The following LINGO2 variants were observed in gnomAD, a reference collection of about 807,000 sequenced individuals.
The protein encoded by LINGO2 is leucine-rich repeat and immunoglobulin-like domain-containing nogo receptor-interacting protein 2.
Under a neutral mutation model 30.6 loss-of-function variants are expected in LINGO2, and 14 were observed. The ratio of observed to expected loss-of-function variants is 0.46; its 90% CI spans 0.30 to 0.72. LINGO2 has a LOEUF of 0.72. Ranked by LOEUF, LINGO2 falls within the 30% of genes least tolerant of loss-of-function variation. The probability of loss-of-function intolerance (pLI) is 0.07; values close to 1 mark genes in which losing one functional copy is unlikely to be tolerated. For synonymous variants in LINGO2, 317 were observed against 288.5 expected (o/e 1.10, Z -1.00); for missense variants, 729 against 751.7 (o/e 0.97, Z 0.35).
At chr9:28,379,586 T>C (rs922195155) in intron 2 of LINGO2, among the ~76,000 whole-genome samples, 1 of 151,958 alleles carries the variant, frequency 6.6e-6, no homozygotes, top group African/African-American at 2.4e-5. Context: ...TAGGCAAGAG[T>C]GCAGAGCAGA....
chr9:28,365,973 G>A (rs1442193220), intron 3 of LINGO2, among the ~76,000 whole-genome samples: 1 of 152,054 alleles, frequency 6.6e-6, no homozygotes, highest in Non-Finnish European at 1.5e-5. Context: ...TTTCCCAGGG[G>A]AGCTGCATTG....
At chr9:28,917,847 C>A in the LINGO2 span, among the ~76,000 whole-genome samples, 3 of 151,880 alleles carry the variant, frequency 2.0e-5, no homozygotes, top group African/African-American at 7.3e-5. Flanking sequence ...CAAATGTATT[C>A]TTCTAGGTTG....
intron 4 of LINGO2, among the ~76,000 whole-genome samples, chr9:28,043,812 A>G (rs1231791775): frequency 6.6e-6 from 1 of 152,196 alleles, no homozygotes; most frequent in African/African-American, 2.4e-5. Flanking sequence ...TATCTCCAGG[A>G]GCTATTTAAA....
the LINGO2 span, among the ~76,000 whole-genome samples, chr9:29,091,074 C>T: frequency 6.6e-6 from 1 of 151,962 alleles, no homozygotes; most frequent in Admixed American, 6.6e-5. Flanking sequence ...AGATTTTCAT[C>T]TTTTCTATTT....
chr9:28,918,656 A>G, the LINGO2 span, among the ~76,000 whole-genome samples: 1 of 152,206 alleles, frequency 6.6e-6, no homozygotes, highest in Non-Finnish European at 1.5e-5. Context: ...ATTAAAATGG[A>G]AACATCAGTG....
At chr9:28,584,859 A>G (rs1824452258) in intron 1 of LINGO2, among the ~76,000 whole-genome samples, 1 of 152,046 alleles carries the variant, frequency 6.6e-6, no homozygotes, top group South Asian at 2.1e-4. Context: ...GGACAAAATA[A>G]CTAAATAAGG....
In LINGO2 at chr9:28,265,080, C is replaced by G. The variant is rs114659361; in HGVS notation, c.-87+30128G>C. Among the ~76,000 whole-genome samples the G allele has an allele frequency of 3.7e-3, 568 of 151,950 alleles. 6 individuals carry two copies. Among genetic ancestry groups the G allele is most frequent in the African/African-American group, 0.013 (531 of 41,476 alleles). On this transcript the variant is annotated intron_variant, in intron 4 of 5. Coordinates refer to ENST00000379992, the Ensembl canonical transcript of LINGO2. ...CAAAGTTTCCAGCCTGCCAGGCTGC[C>G]CTACAGGCTTTGAATTACCAGCCCC...
At chr9:28,574,438 A>G (rs975533295) in intron 1 of LINGO2, among the ~76,000 whole-genome samples, 6 of 152,140 alleles carry the variant, frequency 3.9e-5, no homozygotes, top group African/African-American at 1.4e-4. Context: ...TAAGAGAGCT[A>G]CTAGTCTTGC....
At chr9:28,389,173 CTAAAG>C (rs1227172543) in intron 2 of LINGO2, among the ~76,000 whole-genome samples, 7 of 152,034 alleles carry the variant, frequency 4.6e-5, no homozygotes, top group Admixed American at 2.6e-4. Flanking sequence ...AGATTGTTAT[CTAAAG>C]TAATTATGTT....
intron 5 of LINGO2, among the ~76,000 whole-genome samples, chr9:27,999,525 A>T (rs993118857): frequency 6.6e-6 from 1 of 151,800 alleles, no homozygotes; most frequent in African/African-American, 2.4e-5. Context: ...AGTGTGATAG[A>T]CCTTATATAT....
chr9:29,107,932 G>C, the LINGO2 span, among the ~76,000 whole-genome samples: 1 of 151,414 alleles, frequency 6.6e-6, no homozygotes, highest in Non-Finnish European at 1.5e-5. Context: ...AAAATACTGA[G>C]AGAGTATTCT....
At chr9:28,270,195 C>T (rs1461841434) in intron 4 of LINGO2, among the ~76,000 whole-genome samples, 3 of 152,138 alleles carry the variant, frequency 2.0e-5, no homozygotes, top group Non-Finnish European at 2.9e-5. Context: ...CAATTATTGT[C>T]GGGAAGCATT....
At chr9:28,369,451 C>T (rs1311805990) in intron 3 of LINGO2, among the ~76,000 whole-genome samples, 1 of 152,192 alleles carries the variant, frequency 6.6e-6, no homozygotes, top group African/African-American at 2.4e-5. Flanking sequence ...CGTGCTGCCA[C>T]TGCTTACAAT....
chr9:29,117,750 T>C, the LINGO2 span, among the ~76,000 whole-genome samples: 21 of 152,220 alleles, frequency 1.4e-4, no homozygotes. Context: ...TGTCATCTAA[T>C]ACCGTGTTCA....
chr9:28,277,843 A>T (rs967255966), intron 4 of LINGO2, among the ~76,000 whole-genome samples: 2 of 133,584 alleles, frequency 1.5e-5, no homozygotes, highest in Non-Finnish European at 3.2e-5. Context: ...AAAACAAAAA[A>T]AAAAAACAAA....
the LINGO2 span, among the ~76,000 whole-genome samples, chr9:29,044,817 C>T: frequency 2.0e-5 from 3 of 152,036 alleles, no homozygotes; most frequent in Non-Finnish European, 4.4e-5. Flanking sequence ...CCTACGTACA[C>T]TGCTTTTTTC....
chr9:28,807,845 G>T, the LINGO2 span, among the ~76,000 whole-genome samples: 1 of 151,728 alleles, frequency 6.6e-6, no homozygotes, highest in East Asian at 1.9e-4. Flanking sequence ...GCCTTTTGTG[G>T]GTCAGAATAG....
chr9:28,830,505 G>A, the LINGO2 span, among the ~76,000 whole-genome samples: 1 of 152,054 alleles, frequency 6.6e-6, no homozygotes, highest in Non-Finnish European at 1.5e-5. Flanking sequence ...GAGAACTGTG[G>A]CCACTCAATA....
At chr9:28,986,779 C>T in the LINGO2 span, among the ~76,000 whole-genome samples, 1 of 151,888 alleles carries the variant, frequency 6.6e-6, no homozygotes, top group African/African-American at 2.4e-5. Context: ...AGCACAAAAC[C>T]TAATTTAGAA....
Sources: allele counts gnomAD v4.1 joint callset (sites outside exome capture counted in the v4.1 genomes callset), GRCh38; gene constraint gnomAD v4.1.1; transcripts MANE v1.5; gene names NCBI Gene and HGNC (gene_info 2026-07-23, HGNC 2026-07-21).